EYS: variants seen among roughly 807,000 people sequenced by gnomAD.
The protein encoded by EYS is EGF-like photoreceptor maintenance factor.
EYS carries 250 observed loss-of-function variants against 282.1 expected under a neutral mutation model. That is an observed-to-expected ratio of 0.89 (90% confidence interval 0.80 to 0.98). The LOEUF (loss-of-function observed/expected upper bound fraction) is 0.98. Among genes scored for constraint, EYS ranks in the 50% least tolerant of loss-of-function variants. The pLI, the probability that EYS is intolerant of heterozygous loss-of-function variation, is 0.00. For missense variants in EYS, 4,016 were observed against 3,709.0 expected, an observed-to-expected ratio of 1.08 and a Z score of -2.15; for synonymous variants, 1,355 against 1,282.9, an observed-to-expected ratio of 1.06 and a Z score of -1.20.
At chr6:63,888,031 A>G (rs746837182) in intron 35 of EYS, among the ~76,000 whole-genome samples, 11 of 152,206 alleles carry the variant, frequency 7.2e-5, no homozygotes, top group Non-Finnish European at 1.5e-4. Context: ...TGGAAGTTCA[A>G]ACTGGGTGGA....
chr6:65,487,084 T>C (rs973979824), intron 5 of EYS, among the ~76,000 whole-genome samples: 1 of 152,174 alleles, frequency 6.6e-6, no homozygotes, highest in Admixed American at 6.6e-5. Context: ...GCTCAGACAA[T>C]GGGGTTTTCT....
chr6:63,959,559 G>C (rs1350894497), intron 35 of EYS, among the ~76,000 whole-genome samples: 2 of 152,154 alleles, frequency 1.3e-5, no homozygotes, highest in Non-Finnish European at 1.5e-5. Context: ...AGACACATCT[G>C]CATGTATGTT....
chr6:65,620,277 T>C (rs1019848103), intron 2 of EYS, among the ~76,000 whole-genome samples: 61 of 152,162 alleles, frequency 4.0e-4, no homozygotes, highest in Admixed American at 7.2e-4. Flanking sequence ...CCTGGTTTAG[T>C]CTTGGGAGGG....
At chr6:63,781,594 A>G (rs1327593505) in intron 39 of EYS, among the ~76,000 whole-genome samples, 10 of 152,008 alleles carry the variant, frequency 6.6e-5, no homozygotes, top group Admixed American at 6.6e-5. Flanking sequence ...TTTGCACATT[A>G]ATTTTGTATC....
At chr6:64,320,669 C>G (rs1770182906) in intron 29 of EYS, among the ~76,000 whole-genome samples, 1 of 135,076 alleles carries the variant, frequency 7.4e-6, no homozygotes, top group Admixed American at 7.8e-5. Context: ...TGATTTCTTT[C>G]CTTACTGGTT....
intron 19 of EYS, among the ~76,000 whole-genome samples, chr6:64,853,642 T>C (rs115297303): frequency 0.023 from 3,456 of 152,180 alleles, 135 homozygotes; most frequent in African/African-American, 0.08. Flanking sequence ...GGTAACGCCG[T>C]TGTTAATATA....
At chr6:65,374,824 C>T (rs967683122) in intron 8 of EYS, among the ~76,000 whole-genome samples, 14 of 152,128 alleles carry the variant, frequency 9.2e-5, no homozygotes, top group Admixed American at 7.2e-4. Flanking sequence ...GCCAGACTGC[C>T]TTGCTAGATT....
chr6:64,769,634 A>G (rs74839346), intron 22 of EYS, among the ~76,000 whole-genome samples: 3,057 of 152,050 alleles, frequency 0.02, 96 homozygotes, highest in African/African-American at 0.069. Context: ...CGTTTTATAA[A>G]TGCTAAGATT....
intron 22 of EYS, among the ~76,000 whole-genome samples, chr6:64,764,403 G>C (rs747276739): frequency 6.6e-6 from 1 of 152,220 alleles, no homozygotes; most frequent in Non-Finnish European, 1.5e-5. Flanking sequence ...GATGTATGTT[G>C]GCCCTTTTTA....
In EYS at chr6:65,311,289, A is replaced by G. The variant is rs562835928; in HGVS notation, c.1767-15170T>C. On this transcript the variant is annotated intron_variant, in intron 11 of 42. Coordinates refer to ENST00000503581, the MANE Select transcript of EYS (RefSeq NM_001142800.2). Reference sequence around the variant, plus strand: ...CTATGAGCTGGGACATAAGTTTTACATTTAATCCTATTTTCTATGTTAAAG... The same window carrying G: ...CTATGAGCTGGGACATAAGTTTTACGTTTAATCCTATTTTCTATGTTAAAG... 6.1e-3 allele frequency among the ~76,000 whole-genome samples: 932 copies of G among 152,276 alleles called. 1 individual carries two copies. The highest frequency in any genetic ancestry group is 0.051 in the Middle Eastern group (15 of 294).
At chr6:65,574,061 C>A (rs1037070418) in intron 2 of EYS, among the ~76,000 whole-genome samples, 1 of 152,108 alleles carries the variant, frequency 6.6e-6, no homozygotes, top group East Asian at 1.9e-4. Context: ...CAGTGGGAGT[C>A]CCTGCGCCCT....
intron 35 of EYS, among the ~76,000 whole-genome samples, chr6:63,956,590 G>A (rs1476911353): frequency 1.3e-5 from 2 of 152,220 alleles, no homozygotes; most frequent in East Asian, 1.9e-4. Flanking sequence ...TTTTCTATAT[G>A]TATTTTATTT....
At chr6:65,315,329 T>C (rs1348220309) in intron 11 of EYS, among the ~76,000 whole-genome samples, 2 of 152,188 alleles carry the variant, frequency 1.3e-5, no homozygotes, top group African/African-American at 2.4e-5. Flanking sequence ...TACTCTACTA[T>C]ACATAAATGC....
At chr6:64,972,288 A>T (rs1016259374) in intron 14 of EYS, among the ~76,000 whole-genome samples, 1 of 152,200 alleles carries the variant, frequency 6.6e-6, no homozygotes. Flanking sequence ...TCTATAATAC[A>T]GCTACTGAAA....
At chr6:65,284,141 T>C (rs1224622426) in intron 12 of EYS, among the ~76,000 whole-genome samples, 1 of 152,146 alleles carries the variant, frequency 6.6e-6, no homozygotes, top group Non-Finnish European at 1.5e-5. Context: ...AGTTAGCCTC[T>C]GTTCTGTTGC....
At chr6:64,744,117 T>C (rs1052304249) in intron 22 of EYS, among the ~76,000 whole-genome samples, 2 of 152,136 alleles carry the variant, frequency 1.3e-5, no homozygotes, top group African/African-American at 4.8e-5. Context: ...GAATCTTATG[T>C]TTCTAATATT....
At chr6:65,613,020 A>G (rs1014343891) in intron 2 of EYS, among the ~76,000 whole-genome samples, 20 of 151,804 alleles carry the variant, frequency 1.3e-4, no homozygotes, top group African/African-American at 4.3e-4. Context: ...ACTTAAATTA[A>G]CTTTTTTCTA....
At chr6:63,986,168 A>T (rs1484592230) in intron 34 of EYS, among the ~76,000 whole-genome samples, 1 of 151,960 alleles carries the variant, frequency 6.6e-6, no homozygotes, top group African/African-American at 2.4e-5. Flanking sequence ...AGCATATGAA[A>T]AAAAGCTCAA....
intron 2 of EYS, among the ~76,000 whole-genome samples, chr6:65,557,223 G>T (rs1041085542): frequency 1.3e-5 from 2 of 152,140 alleles, no homozygotes; most frequent in African/African-American, 4.8e-5. Context: ...CGCCCACCCA[G>T]CCCAGCAGGC....
Sources: gnomAD v4.1 joint callset for allele counts (sites outside exome capture counted in the v4.1 genomes callset) on GRCh38, gnomAD v4.1.1 for gene constraint, MANE v1.5 for transcripts, NCBI Gene and HGNC (gene_info 2026-07-23, HGNC 2026-07-21) for gene names.